WDFY1: variants seen among roughly 807,000 people sequenced by gnomAD.
WDFY1 encodes the protein WD repeat and FYVE domain-containing protein 1.
A neutral mutation model predicts 56.4 loss-of-function variants in WDFY1; 32 were observed. The observed-to-expected ratio is 0.57, with a 90% CI of 0.43 to 0.76. The LOEUF is 0.76. WDFY1 is among the 30% of genes least tolerant of loss of function. WDFY1 has a pLI of 0.00. For missense variants in WDFY1, 480 were observed against 545.7 expected (o/e 0.88, Z 1.20); for synonymous variants, 192 against 197.3 (o/e 0.97, Z 0.23).
intron 10 of WDFY1, among the ~76,000 whole-genome samples, chr2:223,880,606 C>CAA (rs10586635): frequency 8.0e-6 from 1 of 125,414 alleles, no homozygotes; most frequent in Non-Finnish European, 1.7e-5. Flanking sequence ...GACTCAGTCT[C>CAA]AAAAAAAAAA....
intron 6 of WDFY1, 123 bp downstream of exon 6, chr2:223,898,835 G>T (rs1693446442): frequency 2.8e-6 from 2 of 721,076 alleles, no homozygotes; most frequent in African/African-American, 1.8e-5. Flanking sequence ...CCCATATCTG[G>T]CCAATCAAAA....
At chr2:223,898,502 T>C (rs541406989) in intron 6 of WDFY1, among the ~76,000 whole-genome samples, 155 of 152,008 alleles carry the variant, frequency 1.0e-3, no homozygotes, top group Non-Finnish European at 1.6e-3. Flanking sequence ...CAGGTTCAAG[T>C]GATTCTCCTG....
chr2:223,936,203 A>G (rs1464392044), intron 1 of WDFY1, among the ~76,000 whole-genome samples: 1 of 151,728 alleles, frequency 6.6e-6, no homozygotes, highest in Non-Finnish European at 1.5e-5. Context: ...GGAGGATTAC[A>G]GGCATGAGCC....
intron 8 of WDFY1, among the ~76,000 whole-genome samples, chr2:223,893,073 G>A (rs1559164539): frequency 6.6e-6 from 1 of 152,172 alleles, no homozygotes; most frequent in Non-Finnish European, 1.5e-5. Flanking sequence ...ACCTTGATTG[G>A]AAATCATTTG....
Position 223,887,956 on chromosome 2 carries a change from G to C in WDFY1, c.832-3207C>G, listed in dbSNP as rs139228278. ...GCAAGAACATAGTTTCAGGAAAAAC[G>C]TTCTCAGTCCTACATGAAATAGTTT... On this transcript the variant is annotated intron_variant, in intron 8 of 11. Coordinates refer to ENST00000233055, the MANE Select transcript of WDFY1 (RefSeq NM_020830.5). Among the ~76,000 whole-genome samples the C allele has an allele frequency of 7.2e-3, 1,099 of 152,240 alleles. 45 individuals are homozygous for C. The highest frequency in any genetic ancestry group is 0.066 in the Admixed American group (1,013 of 15,286).
In WDFY1 at chr2:223,878,272, C is replaced by G. The variant is rs1413046970; in HGVS notation, c.*399G>C. 5 of 155,672 alleles carry G rather than the reference C, an allele frequency of 3.2e-5. No individual in the cohort carries two copies. The South Asian group carries it at 6.0e-4, about 19-fold the overall frequency. The allele number at this position is 155,672 out of a possible 1,614,324, so 9.6% of individuals were successfully genotyped here. On this transcript the variant is annotated 3_prime_UTR_variant, in exon 12 of 12. Transcript: ENST00000233055. The stretch of plus-strand genomic sequence containing the variant: ...CCAGCTCCTGCTCTGACAACAGCCA[C>G]AAGAACCCTGGAAGGCCCCCTAGGC...
chr2:223,935,682 G>A (rs561194945), intron 1 of WDFY1, among the ~76,000 whole-genome samples: 2 of 152,324 alleles, frequency 1.3e-5, no homozygotes, highest in East Asian at 3.9e-4. Context: ...TACAGACTAT[G>A]TGGGAAGATA....
intron 10 of WDFY1, 141 bp from the exon 11 acceptor site, chr2:223,880,373 G>A (rs578051267): frequency 2.3e-5 from 15 of 646,478 alleles, no homozygotes; most frequent in South Asian, 3.6e-5. Context: ...TTGGGAGGCC[G>A]AGACGGGTGG....
intron 5 of WDFY1, among the ~76,000 whole-genome samples, chr2:223,899,742 CTT>C (rs1202243357): frequency 6.6e-6 from 1 of 151,436 alleles, no homozygotes; most frequent in African/African-American, 2.4e-5. Flanking sequence ...GTGCAAGACT[CTT>C]TCTCAAAAAA....
intron 2 of WDFY1, 33 bp downstream of exon 2, chr2:223,917,910 A>G (rs1397186189): frequency 6.2e-7 from 1 of 1,610,952 alleles, no homozygotes; most frequent in Non-Finnish European, 8.5e-7. Flanking sequence ...CATTAGAGAC[A>G]TTTCTCTCAA....
At chr2:223,933,412 A>T (rs957705673) in intron 1 of WDFY1, among the ~76,000 whole-genome samples, 2 of 151,226 alleles carry the variant, frequency 1.3e-5, no homozygotes, top group Non-Finnish European at 2.9e-5. Context: ...GCATAAAAAT[A>T]ATTTTTTGTG....
At position 223,894,457 on chromosome 2, in the gene WDFY1, CTATT is replaced by C. The variant is rs1235285500; in HGVS notation, c.726-122_726-119del. ...TCAGCAAGTGGTATTTTACCACTGA[CTATT>C]TAGCATGGTAAAATGAATTCTAGTA... On this transcript the variant is annotated intron_variant, in intron 7 of 11. Coordinates refer to ENST00000233055, the MANE Select transcript of WDFY1 (RefSeq NM_020830.5). 79 of 917,300 alleles carry C rather than the reference CTATT, an allele frequency of 8.6e-5. No individual in the cohort carries two copies. In the East Asian group the frequency reaches 2.0e-3, roughly 23 times the overall value. The allele number at this position is 917,300 out of a possible 1,614,324, so 56.8% of individuals were successfully genotyped here.
At chr2:223,942,484 C>T (rs1225415276) in intron 1 of WDFY1, among the ~76,000 whole-genome samples, 1 of 145,892 alleles carries the variant, frequency 6.9e-6, no homozygotes, top group Non-Finnish European at 1.5e-5. Flanking sequence ...TCCCAAAGTG[C>T]TGGGATTACA....
intron 11 of WDFY1, among the ~76,000 whole-genome samples, chr2:223,879,304 A>AATT (rs1693025311): frequency 6.6e-6 from 1 of 152,178 alleles, no homozygotes. Context: ...GTATAAATTC[A>AATT]ATTTTTTTTT....
chr2:223,895,018 G>A (rs1333162493), intron 7 of WDFY1, among the ~76,000 whole-genome samples: 1 of 152,172 alleles, frequency 6.6e-6, no homozygotes, highest in South Asian at 2.1e-4. Context: ...ATATACAATG[G>A]TATCACTCAG....
intron 8 of WDFY1, among the ~76,000 whole-genome samples, chr2:223,891,115 C>T (rs762292655): frequency 3.3e-5 from 5 of 152,018 alleles, no homozygotes; most frequent in Non-Finnish European, 7.4e-5. Context: ...GTGGCTCATG[C>T]CTGTAATCCC....
Position 223,888,112 on chromosome 2 carries a change from C to T in WDFY1, c.832-3363G>A, listed in dbSNP as rs118133592. Among the ~76,000 whole-genome samples, 189 of 152,034 alleles carry T rather than the reference C, an allele frequency of 1.2e-3. 7 individuals are homozygous for T. The East Asian group carries it at 0.033, about 27-fold the overall frequency. On this transcript the variant is annotated intron_variant, in intron 8 of 11. Coordinates refer to ENST00000233055, the MANE Select transcript of WDFY1 (RefSeq NM_020830.5). ...CACTTTTTTTTTTGAGACAGGGTCT[C>T]GCTTTGTCACACAGACTGGACTGCA...
At chr2:223,900,715 C>G (rs1382622392) in intron 5 of WDFY1, 2 of 152,510 alleles carry the variant, frequency 1.3e-5, no homozygotes, top group African/African-American at 2.4e-5. Flanking sequence ...GGCTATAAAC[C>G]CTTAATGTTC....
intron 2 of WDFY1, among the ~76,000 whole-genome samples, chr2:223,917,285 A>G (rs1390398433): frequency 1.3e-5 from 2 of 152,200 alleles, no homozygotes; most frequent in Non-Finnish European, 2.9e-5. Context: ...TCATGACGCT[A>G]TGGAGGGCAC....
Sources: allele counts gnomAD v4.1 joint callset (sites outside exome capture counted in the v4.1 genomes callset), GRCh38; gene constraint gnomAD v4.1.1; transcripts MANE v1.5; gene names NCBI Gene and HGNC (gene_info 2026-07-23, HGNC 2026-07-21).